The following TTC23 variants were observed in gnomAD, a reference collection of about 807,000 sequenced individuals.
TTC23 encodes the protein tetratricopeptide repeat domain 23, also known as tetratricopeptide repeat protein 23.
A neutral mutation model predicts 55.1 loss-of-function variants in TTC23; 58 were observed. That is an observed-to-expected ratio of 1.05 (90% confidence interval 0.85 to 1.31). TTC23 has a LOEUF of 1.31. TTC23 is among the 50% of genes most tolerant of loss of function. The pLI is 0.00. For synonymous variants in TTC23, 203 were observed against 199.9 expected, an observed-to-expected ratio of 1.02 and a Z score of -0.13; for missense variants, 516 against 534.4, an observed-to-expected ratio of 0.97 and a Z score of 0.34.
Position 99,136,417 on chromosome 15 carries a change from C to G in TTC23, c.*1593G>C, listed in dbSNP as rs1315654317. 2 of 152,252 alleles carry G rather than the reference C, an allele frequency of 1.3e-5. No individual in the cohort carries two copies. Among genetic ancestry groups the G allele is most frequent in the Non-Finnish European group, 2.9e-5 (2 of 68,054 alleles). 9.4% of individuals were successfully genotyped at this position (152,252 alleles called of 1,614,324 possible). On this transcript the variant is annotated 3_prime_UTR_variant, in exon 14 of 14. Coordinates refer to ENST00000394132, the MANE Select transcript of TTC23 (RefSeq NM_001288615.3). ...GCCGTAGCCTGAAAGGCTTAAACAA[C>G]AAACATTTATTTCTTACAGTTCTGG...
In TTC23 at chr15:99,146,797, C is replaced by T. The variant is rs556414692; in HGVS notation, c.1144-7398G>A. ...ACTGTGCCTGGGTGCCATAGCTGGG[C>T]GGGCCCAACCTCAGGAGGGTGCCTT... On this transcript the variant is annotated intron_variant, in intron 12 of 13. Coordinates refer to ENST00000394132, the MANE Select transcript of TTC23 (RefSeq NM_001288615.3). Among the ~76,000 whole-genome samples, 50 of 152,354 alleles carry T rather than the reference C, an allele frequency of 3.3e-4. No individual in the cohort carries two copies. In the Middle Eastern group the frequency reaches 0.01, roughly 31 times the overall value.
chr15:99,183,456 G>A (rs1304863190), intron 9 of TTC23, among the ~76,000 whole-genome samples: 3 of 151,054 alleles, frequency 2.0e-5, no homozygotes, highest in Non-Finnish European at 4.4e-5. Flanking sequence ...CGAGTAGCTG[G>A]GACTACAGGC....
intron 9 of TTC23, among the ~76,000 whole-genome samples, chr15:99,183,903 T>C (rs1237180810): frequency 6.6e-6 from 1 of 151,986 alleles, no homozygotes; most frequent in Non-Finnish European, 1.5e-5. Context: ...AAAAATGATT[T>C]TGTGGGCCCA....
intron 4 of TTC23, among the ~76,000 whole-genome samples, chr15:99,234,408 T>C (rs943543334): frequency 6.6e-6 from 1 of 152,236 alleles, no homozygotes; most frequent in African/African-American, 2.4e-5. Context: ...TCTCGCTCTG[T>C]CGCCTAGGCT....
chr15:99,244,391 C>A (rs930146993), intron 2 of TTC23, among the ~76,000 whole-genome samples: 1 of 152,060 alleles, frequency 6.6e-6, no homozygotes, highest in Non-Finnish European at 1.5e-5. Flanking sequence ...CCTAAGGATT[C>A]CACAATAAAT....
At chr15:99,150,592 A>G (rs1480327291) in intron 12 of TTC23, among the ~76,000 whole-genome samples, 1 of 152,288 alleles carries the variant, frequency 6.6e-6, no homozygotes, top group East Asian at 1.9e-4. Context: ...AGTTCTATAT[A>G]GTTCTACTAA....
At position 99,148,702 on chromosome 15, in the gene TTC23, C is replaced by G. The variant is rs533625553; in HGVS notation, c.1143+7446G>C. On this transcript the variant is annotated intron_variant, in intron 12 of 13. Transcript: ENST00000394132. The stretch of plus-strand genomic sequence containing the variant: ...CCGCCTTCAGGAATTCTTTCTGCAG[C>G]CTTTCACCTGAGGAAAACGTTGGTG... 6.6e-5 allele frequency: 10 copies of G among 152,298 alleles called. No individual in the cohort carries two copies. The East Asian group carries it at 1.9e-3, about 29-fold the overall frequency. The allele number at this position is 152,298 out of a possible 1,614,324, so 9.4% of individuals were successfully genotyped here.
At chr15:99,197,704 G>A (rs12913713) in intron 9 of TTC23, among the ~76,000 whole-genome samples, 3 of 151,884 alleles carry the variant, frequency 2.0e-5, no homozygotes, top group South Asian at 2.1e-4. Flanking sequence ...TCAGGAGTTC[G>A]AGACCAGCCT....
At chr15:99,175,977 A>G (rs1424725270) in intron 9 of TTC23, among the ~76,000 whole-genome samples, 1 of 152,206 alleles carries the variant, frequency 6.6e-6, no homozygotes, top group Non-Finnish European at 1.5e-5. Context: ...CCTGGGTGAC[A>G]GAGACTCTGT....
chr15:99,190,808 G>A (rs1009490004), intron 9 of TTC23, among the ~76,000 whole-genome samples: 4 of 152,022 alleles, frequency 2.6e-5, no homozygotes, highest in Non-Finnish European at 5.9e-5. Context: ...GAGACAGGGT[G>A]AAGTGCAGTG....
chr15:99,249,107 C>T (rs1042594854), intron 1 of TTC23, 64 bp downstream of exon 1: 1 of 151,982 alleles, frequency 6.6e-6, no homozygotes, highest in Admixed American at 6.6e-5. Flanking sequence ...GCAACAATAA[C>T]GAAGCACAGT....
chr15:99,159,623 G>A (rs1486320608), intron 11 of TTC23: 2 of 152,382 alleles, frequency 1.3e-5, no homozygotes, highest in African/African-American at 4.8e-5. Flanking sequence ...GCAGGAACAT[G>A]GATCAGGGAG....
intron 9 of TTC23, among the ~76,000 whole-genome samples, chr15:99,175,564 G>T (rs748249130): frequency 3.9e-5 from 6 of 152,234 alleles, no homozygotes; most frequent in African/African-American, 1.4e-4. Context: ...GTGGGTGTCA[G>T]CAGTCTCCCC....
Position 99,152,754 on chromosome 15 carries a change from C to G in TTC23, c.1143+3394G>C, listed in dbSNP as rs546460527. Reference sequence around the variant, plus strand: ...TGTAGGGGTTAAATGAGTTAATATACACGAATCACTTAACATGGTGCCACC... The same window carrying G: ...TGTAGGGGTTAAATGAGTTAATATAGACGAATCACTTAACATGGTGCCACC... On this transcript the variant is annotated intron_variant, in intron 12 of 13. Coordinates refer to ENST00000394132, the MANE Select transcript of TTC23 (RefSeq NM_001288615.3). Among the ~76,000 whole-genome samples the G allele has an allele frequency of 2.6e-5, 4 of 152,230 alleles. No individual in the cohort carries two copies. In the East Asian group the frequency reaches 7.7e-4, roughly 29 times the overall value.
At chr15:99,198,523 G>C (rs1292061816) in intron 9 of TTC23, among the ~76,000 whole-genome samples, 2 of 152,146 alleles carry the variant, frequency 1.3e-5, no homozygotes, top group African/African-American at 4.8e-5. Context: ...AAGTGGTCTA[G>C]TTCTATGGTT....
intron 9 of TTC23, among the ~76,000 whole-genome samples, chr15:99,198,436 C>T (rs74984058): frequency 0.011 from 1,751 of 152,326 alleles, 31 homozygotes; most frequent in African/African-American, 0.04. Context: ...TATCCATCTA[C>T]TTCTCTTCAT....
chr15:99,152,780 G>A (rs529300086), intron 12 of TTC23, among the ~76,000 whole-genome samples: 4 of 152,108 alleles, frequency 2.6e-5, no homozygotes, highest in South Asian at 2.1e-4. Context: ...TGGTGCCACC[G>A]GTGTAACAAC....
intron 11 of TTC23, among the ~76,000 whole-genome samples, chr15:99,161,489 G>A (rs1053802097): frequency 2.0e-5 from 3 of 152,188 alleles, no homozygotes; most frequent in African/African-American, 7.2e-5. Context: ...AGCAGGGCCT[G>A]TCCACTATTT....
At chr15:99,246,628 T>A (rs28799126) in intron 1 of TTC23, among the ~76,000 whole-genome samples, 5 of 142,376 alleles carry the variant, frequency 3.5e-5, no homozygotes, top group Non-Finnish European at 6.1e-5. Context: ...AAAAAAAAAA[T>A]TTATTAACAT....
Sources: gnomAD v4.1 joint callset for allele counts (sites outside exome capture counted in the v4.1 genomes callset) on GRCh38, gnomAD v4.1.1 for gene constraint, MANE v1.5 for transcripts, NCBI Gene and HGNC (gene_info 2026-07-23, HGNC 2026-07-21) for gene names.